UST: variants seen among roughly 807,000 people sequenced by gnomAD.
UST encodes the protein uronyl 2-sulfotransferase.
In UST, 21 loss-of-function variants were observed where a neutral mutation model predicts 45.6. The observed-to-expected ratio is 0.46, with a 90% CI of 0.33 to 0.66. The LOEUF (loss-of-function observed/expected upper bound fraction) is 0.66. Among genes scored for constraint, UST ranks in the 30% least tolerant of loss-of-function variants. The probability of loss-of-function intolerance (pLI) is 0.02; values close to 1 mark genes in which losing one functional copy is unlikely to be tolerated. For synonymous variants in UST, 215 were observed against 200.6 expected (o/e 1.07, Z -0.61); for missense variants, 463 against 512.4 (o/e 0.90, Z 0.93).
intron 5 of UST, among the ~76,000 whole-genome samples, chr6:148,979,329 T>C (rs1369156751): frequency 6.6e-6 from 1 of 152,188 alleles, no homozygotes; most frequent in East Asian, 1.9e-4. Flanking sequence ...AAAGGAAAGA[T>C]GAAAAACAAC....
In UST at chr6:148,792,225, T is replaced by C. The variant is rs572490209; in HGVS notation, c.247+44548T>C. Among the ~76,000 whole-genome samples the C allele has an allele frequency of 4.6e-5, 7 of 152,286 alleles. No individual in the cohort carries two copies. The East Asian group carries it at 1.2e-3, about 25-fold the overall frequency. On this transcript the variant is annotated intron_variant, in intron 1 of 7. Transcript: ENST00000367463. The stretch of plus-strand genomic sequence containing the variant: ...CTTCCCATTAATGTGAGTTTGAAAA[T>C]AGTTTCTATCCTTGAATAAATTATG...
At chr6:148,826,995 C>A (rs1416518009) in intron 1 of UST, among the ~76,000 whole-genome samples, 1 of 152,064 alleles carries the variant, frequency 6.6e-6, no homozygotes, top group African/African-American at 2.4e-5. Flanking sequence ...GTCTCTTTTG[C>A]CATGCAAGGT....
intron 5 of UST, among the ~76,000 whole-genome samples, chr6:148,991,468 A>T (rs1407777492): frequency 6.6e-6 from 1 of 150,402 alleles, no homozygotes; most frequent in Non-Finnish European, 1.5e-5. Context: ...CCGTTAACTC[A>T]TCATTTACAT....
At chr6:149,018,537 C>G (rs993138603) in intron 5 of UST, among the ~76,000 whole-genome samples, 1 of 152,158 alleles carries the variant, frequency 6.6e-6, no homozygotes, top group African/African-American at 2.4e-5. Context: ...CTCAGAAACA[C>G]CATGTCCAAC....
intron 7 of UST, among the ~76,000 whole-genome samples, chr6:149,048,864 G>A (rs994166558): frequency 2.6e-5 from 4 of 152,160 alleles, no homozygotes; most frequent in South Asian, 2.1e-4. Context: ...CTGAGCAGTC[G>A]TGGAGTCCCC....
At chr6:148,794,912 GC>G (rs575529596) in intron 1 of UST, among the ~76,000 whole-genome samples, 1 of 152,244 alleles carries the variant, frequency 6.6e-6, no homozygotes, top group South Asian at 2.1e-4. Context: ...GCATTCACTG[GC>G]TAAGAACACA....
At chr6:148,848,682 AAAAT>A (rs1276611059) in intron 1 of UST, among the ~76,000 whole-genome samples, 66 of 152,072 alleles carry the variant, frequency 4.3e-4, no homozygotes, top group African/African-American at 1.5e-3. Flanking sequence ...AAAAAAAAAA[AAAAT>A]GATTACACTA....
At chr6:148,840,627 T>G (rs978310027) in intron 1 of UST, among the ~76,000 whole-genome samples, 3 of 152,138 alleles carry the variant, frequency 2.0e-5, no homozygotes, top group African/African-American at 4.8e-5. Flanking sequence ...GCCCTCCGCA[T>G]CCACAAGTTT....
intron 5 of UST, among the ~76,000 whole-genome samples, chr6:148,967,245 T>C (rs1231547103): frequency 6.6e-6 from 1 of 151,914 alleles, no homozygotes; most frequent in African/African-American, 2.4e-5. Context: ...CTATGTCAGA[T>C]GAGGTCATCA....
intron 1 of UST, among the ~76,000 whole-genome samples, chr6:148,855,408 A>G (rs896515952): frequency 3.9e-5 from 6 of 152,230 alleles, no homozygotes; most frequent in Non-Finnish European, 7.3e-5. Flanking sequence ...GAAAGCAGGT[A>G]GTGGGCTGTC....
At chr6:148,979,451 C>T (rs1019678953) in intron 5 of UST, among the ~76,000 whole-genome samples, 7 of 152,166 alleles carry the variant, frequency 4.6e-5, no homozygotes, top group African/African-American at 1.7e-4. Flanking sequence ...GCTCATTCAC[C>T]TCTGACACAG....
chr6:148,953,667 G>C (rs1170750145), intron 3 of UST, among the ~76,000 whole-genome samples: 2 of 151,460 alleles, frequency 1.3e-5, no homozygotes, highest in Admixed American at 6.6e-5. Context: ...GCTACTCAGA[G>C]AGGCTGAGGC....
chr6:148,876,117 G>A (rs956873672), intron 1 of UST, among the ~76,000 whole-genome samples: 17 of 152,150 alleles, frequency 1.1e-4, no homozygotes, highest in African/African-American at 4.1e-4. Flanking sequence ...CTTCTGAGGA[G>A]GCCTCAGGAA....
At chr6:148,866,066 GGAAA>G (rs200270022) in intron 1 of UST, among the ~76,000 whole-genome samples, 2,041 of 151,412 alleles carry the variant, frequency 0.013, 30 homozygotes, top group Admixed American at 0.025. Context: ...TACATATTGG[GGAAA>G]GAAAGAATTA....
chr6:148,942,256 T>C (rs1005397014), intron 3 of UST, among the ~76,000 whole-genome samples: 2 of 152,088 alleles, frequency 1.3e-5, no homozygotes, highest in Non-Finnish European at 2.9e-5. Flanking sequence ...ACAAGGAACA[T>C]GGCTCACTAT....
chr6:148,822,415 G>C (rs1457408685), intron 1 of UST, among the ~76,000 whole-genome samples: 1 of 152,088 alleles, frequency 6.6e-6, no homozygotes, highest in African/African-American at 2.4e-5. Flanking sequence ...ACACTTATGG[G>C]CTGCCTCCTT....
intron 7 of UST, among the ~76,000 whole-genome samples, chr6:149,061,852 TGA>T (rs1776659765): frequency 6.6e-6 from 1 of 152,234 alleles, no homozygotes; most frequent in Non-Finnish European, 1.5e-5. Context: ...TGGATGTGAT[TGA>T]ATGACTGTTT....
chr6:148,762,387 T>G, intron 1 of UST, among the ~76,000 whole-genome samples: 1 of 152,186 alleles, frequency 6.6e-6, no homozygotes, highest in East Asian at 1.9e-4. Context: ...GCAAGGGTCT[T>G]GAAATGTATG....
rs1163765709 is a variant in UST at position 149,021,307 on chromosome 6, T to G, written c.780-17T>G. The stretch of plus-strand genomic sequence containing the variant: ...ATATGAATGTCTGATTTTAAATAAA[T>G]TTTTATATCCATAAAGGGAGCCTGG... On this transcript the variant is annotated splice_polypyrimidine_tract_variant and intron_variant, in intron 6 of 7. Transcript: ENST00000367463. 2.5e-6 allele frequency: 4 copies of G among 1,577,080 alleles called. No individual in the cohort carries two copies. In the South Asian group the frequency reaches 4.6e-5, roughly 18 times the overall value.
Sources: gnomAD v4.1 joint callset for allele counts (sites outside exome capture counted in the v4.1 genomes callset) on GRCh38, gnomAD v4.1.1 for gene constraint, MANE v1.5 for transcripts, NCBI Gene and HGNC (gene_info 2026-07-23, HGNC 2026-07-21) for gene names.